CFD: variants seen among roughly 807,000 people sequenced by gnomAD.
CFD encodes the protein C3 convertase activator.
CFD carries 24 observed loss-of-function variants against 21.1 expected under a neutral mutation model. The observed-to-expected ratio is 1.14, with a 90% CI of 0.82 to 1.60. The LOEUF is 1.60. Among genes scored for constraint, CFD ranks in the 40% most tolerant of loss-of-function variants. The probability of loss-of-function intolerance (pLI) is 0.00; values close to 1 mark genes in which losing one functional copy is unlikely to be tolerated. For synonymous variants in CFD, 242 were observed against 175.9 expected (o/e 1.38, Z -2.97); for missense variants, 535 against 383.3 (o/e 1.40, Z -3.31).
intron 4 of CFD, 101 bp from the exon 5 acceptor site, chr19:862,991 C>A: frequency 8.5e-7 from 1 of 1,175,006 alleles, no homozygotes; most frequent in South Asian, 1.5e-5. Flanking sequence ...GAGGGATGAG[C>A]GAGCATTGTG....
rs959916203 is a variant in CFD at position 859,698 on chromosome 19, C to T, written c.9C>T (p.Ser3=). 5.7e-6 allele frequency: 9 copies of T among 1,570,608 alleles called. No homozygotes were observed. The African/African-American group carries it at 9.5e-5, about 16-fold the overall frequency. The change falls in exon 1 of 5, where the codon AGC becomes AGT. Residue 3 remains serine (S), a synonymous_variant. Coordinates refer to ENST00000327726, the MANE Select transcript of CFD (RefSeq NM_001928.4). ...GCCACAGCGGCTTCACCATGCACAGCTGGGAGCGCCTGGCAGTTCTGGTCC... is the reference window on the plus strand; with the variant it reads ...GCCACAGCGGCTTCACCATGCACAGTTGGGAGCGCCTGGCAGTTCTGGTCC... MH[S]WERLAVLVLL... is the part of the protein sequence containing the mutation.
intron 4 of CFD, 123 bp downstream of exon 4, chr19:862,079 G>A: frequency 1.4e-6 from 2 of 1,389,684 alleles, no homozygotes; most frequent in Non-Finnish European, 1.9e-6. Context: ...CGCGTAGGGG[G>A]CGGGAACTGG....
chr19:863,535 G>T lies in CFD; in HGVS notation c.*297G>T. ...GAGGATGACTTGAACGCAGGAGGCT[G>T]AGGCTGCAGTGAGTTGTGATTGCAC... On this transcript the variant is annotated 3_prime_UTR_variant, in exon 5 of 5. Transcript: ENST00000327726. The T allele has an allele frequency of 2.1e-6, 1 of 466,512 alleles. No homozygotes were observed. The highest frequency in any genetic ancestry group is 3.4e-5 in the Admixed American group (1 of 29,222). 28.9% of individuals were successfully genotyped at this position (466,512 alleles called of 1,614,324 possible).
chr19:861,372 G>A (rs1305860545), intron 3 of CFD, among the ~76,000 whole-genome samples: 1 of 65,344 alleles, frequency 1.5e-5, no homozygotes, highest in African/African-American at 4.1e-5. Flanking sequence ...CTGCTGCATG[G>A]GGACCCCGCC....
At chr19:861,323 C>T (rs1274678612) in intron 3 of CFD, among the ~76,000 whole-genome samples, 1 of 66,380 alleles carries the variant, frequency 1.5e-5, no homozygotes, top group Admixed American at 1.4e-4. Flanking sequence ...AGCCCCCCCA[C>T]CCCCTGCACC....
intron 4 of CFD, among the ~76,000 whole-genome samples, chr19:862,791 G>A (rs1276567536): frequency 5.1e-5 from 3 of 59,342 alleles, no homozygotes; most frequent in African/African-American, 1.2e-4. Flanking sequence ...GAGCAGGAAT[G>A]AGGTGTGGGA....
At position 863,504 on chromosome 19, in the gene CFD, A is replaced by G; in HGVS notation, c.*266A>G. On this transcript the variant is annotated 3_prime_UTR_variant, in exon 5 of 5. Coordinates refer to ENST00000327726, the MANE Select transcript of CFD (RefSeq NM_001928.4). ...GTAGTTCCAGCTACTCAGGAGGCTG[A>G]GGTGGGAGGATGACTTGAACGCAGG... The G allele has an allele frequency of 3.9e-6, 2 of 517,522 alleles. No homozygotes were observed. Among genetic ancestry groups the G allele is most frequent in the Non-Finnish European group, 7.0e-6 (2 of 283,860 alleles). The allele number at this position is 517,522 out of a possible 1,614,324, so 32.1% of individuals were successfully genotyped here.
intron 3 of CFD, 109 bp from the exon 4 acceptor site, chr19:861,590 G>T: frequency 2.4e-6 from 3 of 1,244,316 alleles, no homozygotes; most frequent in Non-Finnish European, 3.2e-6. Context: ...TGAGACCCAC[G>T]CCCCTGCCCT....
At position 861,973 on chromosome 19, in the gene CFD, G is replaced by A; in HGVS notation, c.615+17G>A. On this transcript the variant is annotated intron_variant, in intron 4 of 4. Transcript: ENST00000327726. ...AGCTGCAAGGTGAGCCTTCAGGCCT[G>A]GGAGGAGACGCGGGGCCTGCAGGCC... 1 of 1,536,136 alleles carries A rather than the reference G, an allele frequency of 6.5e-7. No individual in the cohort carries two copies.
chr19:860,437 C>T (rs988659572), intron 1 of CFD, among the ~76,000 whole-genome samples, 180 bp from the exon 2 acceptor site: 4 of 151,216 alleles, frequency 2.6e-5, no homozygotes, highest in Admixed American at 1.3e-4. Flanking sequence ...TGCACCCCCC[C>T]CTCCCCCCCC....
intron 3 of CFD, 78 bp from the exon 4 acceptor site, chr19:861,621 C>T (rs2145162828): frequency 1.3e-6 from 2 of 1,517,348 alleles, no homozygotes; most frequent in Non-Finnish European, 1.8e-6. Flanking sequence ...TCCCCCGTCC[C>T]GTCTCCCCGA....
chr19:863,238 G>C lies in CFD; in HGVS notation c.762G>C (p.Ter254TyrextTer5), dbSNP rs868017405. 4.5e-6 allele frequency: 7 copies of C among 1,547,262 alleles called. No homozygotes were observed. The highest frequency in any genetic ancestry group is 2.4e-5 in the South Asian group (2 of 84,694). ...CCTGGATCGACAGCGTCCTGGCCTAGGGTGCCGGGGCCTGAAGGTCAGGGT... is the reference window on the plus strand; with the variant it reads ...CCTGGATCGACAGCGTCCTGGCCTACGGTGCCGGGGCCTGAAGGTCAGGGT... ...YAAWIDSVLA[*>Y] Residue 254 changes from the stop codon to tyrosine, a stop_lost, in exon 5 of 5, where the codon TAG (stop) becomes TAC (tyrosine). Coordinates refer to ENST00000327726, the MANE Select transcript of CFD (RefSeq NM_001928.4).
In CFD at chr19:861,915, C is replaced by T; in HGVS notation, c.574C>T (p.Arg192Cys). 3.2e-6 allele frequency: 5 copies of T among 1,571,904 alleles called. No homozygotes were observed. Among genetic ancestry groups the T allele is most frequent in the Non-Finnish European group, 4.3e-6 (5 of 1,166,188 alleles). ...GCACCACGACGGCGCCATCACCGAG[C>T]GCTTGATGTGCGCGGAGAGCAATCG... ...RTHHDGAITE[R>C]LMCAESNRRD... is the part of the protein sequence containing the mutation. Residue 192 changes from arginine to cysteine, a missense_variant, in exon 4 of 5, where the codon CGC (arginine) becomes TGC (cysteine). Transcript: ENST00000327726.
chr19:859,682 G>A lies in CFD; in HGVS notation c.-8G>A, dbSNP rs1021408325. On this transcript the variant is annotated 5_prime_UTR_variant, in exon 1 of 5. Coordinates refer to ENST00000327726, the MANE Select transcript of CFD (RefSeq NM_001928.4). ...CTGGGTCAGTGTCTCAGCCACAGCG[G>A]CTTCACCATGCACAGCTGGGAGCGC... 5.1e-6 allele frequency: 8 copies of A among 1,563,532 alleles called. No individual in the cohort carries two copies. Among genetic ancestry groups the A allele is most frequent in the Non-Finnish European group, 6.9e-6 (8 of 1,154,378 alleles).
intron 4 of CFD, among the ~76,000 whole-genome samples, chr19:862,861 AGGCCAGAGGGGGTGT>A (rs1017365060): frequency 4.6e-5 from 5 of 109,030 alleles, no homozygotes; most frequent in East Asian, 5.0e-4. Flanking sequence ...GGTGAGGTTG[AGGCCAGAGGGGGTGT>A]GGCCAGGAGC....
In CFD at chr19:863,624, A is replaced by G. The variant is rs1423610133; in HGVS notation, c.*386A>G. ...CTCTCTCTACAAAAAAAAAAAAAAA[A>G]TTCTGCGTGGTGGCTCACGCCTGTA... On this transcript the variant is annotated 3_prime_UTR_variant, in exon 5 of 5. Coordinates refer to ENST00000327726, the MANE Select transcript of CFD (RefSeq NM_001928.4). 4.9e-6 allele frequency: 1 copy of G among 202,906 alleles called. No individual in the cohort carries two copies. The highest frequency in any genetic ancestry group is 1.0e-5 in the Non-Finnish European group (1 of 97,114). The allele number at this position is 202,906 out of a possible 1,614,324, so 12.6% of individuals were successfully genotyped here.
chr19:859,702 G>C lies in CFD; in HGVS notation c.13G>C (p.Glu5Gln), dbSNP rs1250508865. MHSW[E>Q]RLAVLVLLGA... is the part of the protein sequence containing the mutation. ...CAGCGGCTTCACCATGCACAGCTGG[G>C]AGCGCCTGGCAGTTCTGGTCCTCCT... Residue 5 changes from glutamate to glutamine, a missense_variant, in exon 1 of 5, where the codon GAG (glutamate) becomes CAG (glutamine). Coordinates refer to ENST00000327726, the MANE Select transcript of CFD (RefSeq NM_001928.4). 6.4e-7 allele frequency: 1 copy of C among 1,572,406 alleles called. No homozygotes were observed. Among genetic ancestry groups the C allele is most frequent in the African/African-American group, 1.3e-5 (1 of 74,218 alleles).
rs777863940 is a variant in CFD at position 863,289 on chromosome 19, A to C, written c.*51A>C. ...CACCCAAGCAACAAAGTCCCGAGCA[A>C]TGAAGTCATCCACTCCTGCATCTGG... is the stretch of plus-strand genomic sequence containing the variant. On this transcript the variant is annotated 3_prime_UTR_variant, in exon 5 of 5. Coordinates refer to ENST00000327726, the MANE Select transcript of CFD (RefSeq NM_001928.4). 1.3e-6 allele frequency: 2 copies of C among 1,539,846 alleles called. No individual in the cohort carries two copies. The highest frequency in any genetic ancestry group is 2.4e-5 in the East Asian group (1 of 41,844).
Position 863,264 on chromosome 19 carries a change from C to T in CFD, c.*26C>T, listed in dbSNP as rs1415576770. The stretch of plus-strand genomic sequence containing the variant: ...GGTGCCGGGGCCTGAAGGTCAGGGT[C>T]ACCCAAGCAACAAAGTCCCGAGCAA... On this transcript the variant is annotated 3_prime_UTR_variant, in exon 5 of 5. Transcript: ENST00000327726. 1.9e-6 allele frequency: 3 copies of T among 1,546,380 alleles called. No homozygotes were observed. The South Asian group carries it at 3.5e-5, about 18-fold the overall frequency.
Sources: gnomAD v4.1 joint callset for allele counts (sites outside exome capture counted in the v4.1 genomes callset) on GRCh38, gnomAD v4.1.1 for gene constraint, MANE v1.5 for transcripts, NCBI Gene and HGNC (gene_info 2026-07-23, HGNC 2026-07-21) for gene names.